Variants in ITPK1 observed in about 807,000 individuals in gnomAD.
ITPK1 encodes the protein inositol-tetrakisphosphate 1-kinase, also known as inositol 1,3,4-trisphosphate 5/6-kinase.
In ITPK1, 21 loss-of-function variants were observed where a neutral mutation model predicts 45.3. The observed-to-expected ratio is 0.46, with a 90% confidence interval of 0.33 to 0.67. The LOEUF (loss-of-function observed/expected upper bound fraction) is 0.67, where lower values mean the gene tolerates loss of function less well. ITPK1 is among the 30% of genes least tolerant of loss of function. The pLI, the probability that ITPK1 is intolerant of heterozygous loss-of-function variation, is 0.02. For missense variants in ITPK1, 474 were observed against 573.5 expected (o/e 0.83, Z 1.77); for synonymous variants, 258 against 253.6 (o/e 1.02, Z -0.16).
chr14:93,006,658 C>T (rs1887630174), intron 4 of ITPK1, among the ~76,000 whole-genome samples: 2 of 152,020 alleles, frequency 1.3e-5, no homozygotes, highest in South Asian at 4.2e-4. Flanking sequence ...GTGGTGTGAG[C>T]CACGGCTGGG....
intron 4 of ITPK1, among the ~76,000 whole-genome samples, chr14:93,004,804 T>G: frequency 1.3e-5 from 2 of 149,044 alleles, no homozygotes; most frequent in African/African-American, 2.5e-5. Context: ...GGTTGGGGGC[T>G]GGGGAGGAGC....
intron 4 of ITPK1, among the ~76,000 whole-genome samples, chr14:93,003,504 G>A (rs1406169042): frequency 6.6e-6 from 1 of 152,246 alleles, no homozygotes. Flanking sequence ...GAATGTGCCA[G>A]GTGGCCAGGC....
Position 93,076,757 on chromosome 14 carries a change from C to A in ITPK1, c.96-138G>T. ...GCCGGCAGCTGCGCCTCTCCTGCTA[C>A]TGTCCCAGAACAGCCATGCCTTCCA... On this transcript the variant is annotated intron_variant, in intron 2 of 10. Transcript: ENST00000267615. This position sits in a 1 kb window ranked among gnomAD's most constrained non-coding sequence, Gnocchi z 4.3. 1.1e-6 allele frequency: 1 copy of A among 948,110 alleles called. No individual in the cohort carries two copies. The highest frequency in any genetic ancestry group is 1.4e-5 in the South Asian group (1 of 70,908). 58.7% of individuals were successfully genotyped at this position (948,110 alleles called of 1,614,324 possible).
chr14:93,025,043 G>C (rs1888669945), intron 3 of ITPK1, among the ~76,000 whole-genome samples: 1 of 152,214 alleles, frequency 6.6e-6, no homozygotes, highest in Admixed American at 6.5e-5. Flanking sequence ...AGGAGAACAG[G>C]ACAATTCTGA....
intron 4 of ITPK1, among the ~76,000 whole-genome samples, chr14:93,000,779 C>A (rs1887295985): frequency 1.3e-5 from 2 of 149,858 alleles, no homozygotes; most frequent in Admixed American, 1.3e-4. Context: ...GAGTTTGAAA[C>A]CAGACTGGCC....
Position 93,103,200 on chromosome 14 carries a change from G to T in ITPK1, c.95+11869C>A, listed in dbSNP as rs1032243544. Among the ~76,000 whole-genome samples, 7 of 151,572 alleles carry T rather than the reference G, an allele frequency of 4.6e-5. No homozygotes were observed. In the East Asian group the frequency reaches 1.4e-3, roughly 29 times the overall value. On this transcript the variant is annotated intron_variant, in intron 2 of 10. Transcript: ENST00000267615. The stretch of plus-strand genomic sequence containing the variant: ...TCCCAGCACTTTGGGAGGCTGAGAC[G>T]GGCAGATCACGAGTTCAAGACCAGC...
At chr14:92,969,233 T>C (rs1230339326) in intron 5 of ITPK1, among the ~76,000 whole-genome samples, 1 of 152,078 alleles carries the variant, frequency 6.6e-6, no homozygotes, top group African/African-American at 2.4e-5. Flanking sequence ...GGAGCTTACA[T>C]TCTAGTGGAA....
chr14:92,984,616 A>C (rs146943131), intron 5 of ITPK1, among the ~76,000 whole-genome samples: 5 of 152,336 alleles, frequency 3.3e-5, no homozygotes, highest in African/African-American at 1.2e-4. Flanking sequence ...TGCAGCAAAG[A>C]AACATGTAAT....
intron 2 of ITPK1, among the ~76,000 whole-genome samples, chr14:93,089,372 C>A (rs4905045): frequency 0.021 from 3,183 of 152,252 alleles, 79 homozygotes; most frequent in Admixed American, 0.081. Flanking sequence ...TGTCCAATAT[C>A]AAACCTTCCA....
At chr14:92,979,648 G>C (rs2139779018) in intron 5 of ITPK1, among the ~76,000 whole-genome samples, 1 of 152,140 alleles carries the variant, frequency 6.6e-6, no homozygotes, top group East Asian at 1.9e-4. Flanking sequence ...TCTCTCTCCT[G>C]CTGCCACGTA....
intron 5 of ITPK1, among the ~76,000 whole-genome samples, chr14:92,977,201 T>A (rs888418009): frequency 1.3e-5 from 2 of 152,202 alleles, no homozygotes; most frequent in African/African-American, 4.8e-5. Context: ...ATCCTGTCCA[T>A]CATTATCGTC....
chr14:93,014,971 G>C lies in ITPK1; in HGVS notation c.246+1705C>G, dbSNP rs1423889605. On this transcript the variant is annotated intron_variant, in intron 4 of 10. Transcript: ENST00000267615. This position sits in a 1 kb window ranked among gnomAD's most constrained non-coding sequence, Gnocchi z 4.4. Reference sequence around the variant, plus strand: ...AGGTCTGCGTGGCAGCCCAGGCATGGCTGTGCTCCTCCAGAGAATAAGCCC... The same window carrying C: ...AGGTCTGCGTGGCAGCCCAGGCATGCCTGTGCTCCTCCAGAGAATAAGCCC... 6.6e-6 allele frequency among the ~76,000 whole-genome samples: 1 copy of C among 152,234 alleles called. No individual in the cohort carries two copies. Among genetic ancestry groups the C allele is most frequent in the African/African-American group, 2.4e-5 (1 of 41,478 alleles).
chr14:93,025,195 C>A (rs1214170032), intron 3 of ITPK1, among the ~76,000 whole-genome samples: 2 of 151,884 alleles, frequency 1.3e-5, no homozygotes, highest in Non-Finnish European at 2.9e-5. Flanking sequence ...CCACTGTCAG[C>A]TTTGCAGAGT....
At position 92,940,569 on chromosome 14, in the gene ITPK1, A is replaced by G; in HGVS notation, c.*992T>C. ...GTGAAAAGGAGTGAACCCACTGGGA[A>G]GAGGGCCCCGATCTCCATGGTGTCA... is the stretch of plus-strand genomic sequence containing the variant. On this transcript the variant is annotated 3_prime_UTR_variant, in exon 11 of 11. Coordinates refer to ENST00000267615, the MANE Select transcript of ITPK1 (RefSeq NM_014216.6). 4 of 1,182,942 alleles carry G rather than the reference A, an allele frequency of 3.4e-6. No individual in the cohort carries two copies. The highest frequency in any genetic ancestry group is 4.3e-6 in the Non-Finnish European group (4 of 938,254). The allele number at this position is 1,182,942 out of a possible 1,614,324, so 73.3% of individuals were successfully genotyped here. A position where few individuals can be genotyped will look rare whatever the true frequency, so the allele number is the denominator to read the frequency against.
At chr14:92,961,015 T>C (rs1401666076) in intron 7 of ITPK1, among the ~76,000 whole-genome samples, 12 of 152,264 alleles carry the variant, frequency 7.9e-5, no homozygotes, top group Admixed American at 7.2e-4. Flanking sequence ...TGTCTGCTGA[T>C]ACTTCCCCGG....
intron 3 of ITPK1, among the ~76,000 whole-genome samples, chr14:93,031,175 G>C (rs1319586149): frequency 3.3e-5 from 5 of 152,104 alleles, no homozygotes; most frequent in Admixed American, 2.0e-4. Context: ...GCCTGGGCAA[G>C]AAGAAGGCCC....
intron 3 of ITPK1, among the ~76,000 whole-genome samples, chr14:93,042,056 G>C (rs1258229633): frequency 6.6e-6 from 1 of 152,172 alleles, no homozygotes; most frequent in African/African-American, 2.4e-5. Flanking sequence ...CAGGTGTCAT[G>C]CTGGGTCCTC....
rs866853701 is a variant in ITPK1 at position 93,096,146 on chromosome 14, C to T, written c.95+18923G>A. ...CACAGCTCACCAACACACCAAGCTC[C>T]GGCTCCCTCCTGTGCCCCTGGGGCC... On this transcript the variant is annotated intron_variant, in intron 2 of 10. Transcript: ENST00000267615. 2.6e-5 allele frequency among the ~76,000 whole-genome samples: 4 copies of T among 152,158 alleles called. No individual in the cohort carries two copies. In the South Asian group the frequency reaches 8.3e-4, roughly 32 times the overall value.
intron 4 of ITPK1, among the ~76,000 whole-genome samples, chr14:92,997,963 C>T (rs1346167015): frequency 3.3e-5 from 5 of 152,116 alleles, no homozygotes; most frequent in African/African-American, 9.7e-5. Context: ...ATGAGATGAA[C>T]GTCAGAGATA....
Sources: allele counts gnomAD v4.1 joint callset (sites outside exome capture counted in the v4.1 genomes callset), GRCh38; gene constraint gnomAD v4.1.1; non-coding constraint Gnocchi (gnomAD v3.1); transcripts MANE v1.5; gene names NCBI Gene and HGNC (gene_info 2026-07-23, HGNC 2026-07-21).